TAFA2: variants seen among roughly 807,000 people sequenced by gnomAD.
The protein encoded by TAFA2 is TAFA chemokine like family member 2, also known as chemokine-like protein TAFA-2.
A neutral mutation model predicts 18.8 loss-of-function variants in TAFA2; 7 were observed. That is an observed-to-expected ratio of 0.37 (90% CI 0.21 to 0.70). The LOEUF is 0.70. Ranked by LOEUF, TAFA2 falls within the 30% of genes least tolerant of loss-of-function variation. The pLI is 0.53. For synonymous variants in TAFA2, 60 were observed against 54.2 expected, an observed-to-expected ratio of 1.11 and a Z score of -0.47; for missense variants, 122 against 158.1, an observed-to-expected ratio of 0.77 and a Z score of 1.23.
rs553881930 is a variant in TAFA2 at position 61,927,162 on chromosome 12, A to C, written c.-1-59736T>G. The stretch of plus-strand genomic sequence containing the variant: ...CTACACAGTATTGGAAATTCTGGGC[A>C]GGGCAATCAGGCAACAGAAAGAAAT... On this transcript the variant is annotated intron_variant, in intron 1 of 4. Transcript: ENST00000416284. Among the ~76,000 whole-genome samples, 4 of 151,850 alleles carry C rather than the reference A, an allele frequency of 2.6e-5. No individual in the cohort carries two copies. The South Asian group carries it at 8.3e-4, about 32-fold the overall frequency.
intron 1 of TAFA2, among the ~76,000 whole-genome samples, chr12:62,203,949 G>A (rs1289756373): frequency 1.3e-5 from 2 of 152,288 alleles, no homozygotes; most frequent in Admixed American, 6.5e-5. Context: ...TTGTACTTCA[G>A]TGTGGTTTTG....
chr12:62,065,605 G>A (rs1882463941), intron 1 of TAFA2, among the ~76,000 whole-genome samples: 1 of 151,910 alleles, frequency 6.6e-6, no homozygotes. Flanking sequence ...TTTATTCTTA[G>A]CATGTGTTCA....
At chr12:61,873,508 G>A (rs748159394) in intron 1 of TAFA2, among the ~76,000 whole-genome samples, 15 of 152,082 alleles carry the variant, frequency 9.9e-5, no homozygotes, top group South Asian at 2.1e-4. Flanking sequence ...CAAAGTGAGC[G>A]TAGATTATGA....
Position 62,021,110 on chromosome 12 carries a change from C to G in TAFA2, c.-1-153684G>C, listed in dbSNP as rs528135053. On this transcript the variant is annotated intron_variant, in intron 1 of 4. Coordinates refer to ENST00000416284, the MANE Select transcript of TAFA2 (RefSeq NM_178539.5). ...AGGTTGCTAATTTCTATACTAAATA[C>G]TGGGAAAACAAGAGGTCTAATTATG... Among the ~76,000 whole-genome samples, 4 of 152,164 alleles carry G rather than the reference C, an allele frequency of 2.6e-5. No homozygotes were observed. The South Asian group carries it at 8.3e-4, about 32-fold the overall frequency.
chr12:62,003,502 C>T (rs1565712123), intron 1 of TAFA2, among the ~76,000 whole-genome samples: 1 of 152,126 alleles, frequency 6.6e-6, no homozygotes, highest in East Asian at 1.9e-4. Flanking sequence ...TCAAATTTTG[C>T]TTAAATCTCA....
chr12:61,997,919 T>A (rs983249232), intron 1 of TAFA2, among the ~76,000 whole-genome samples: 3 of 152,144 alleles, frequency 2.0e-5, no homozygotes, highest in African/African-American at 7.2e-5. Context: ...TGACATAGTA[T>A]TCCTACAATT....
At chr12:62,053,108 C>T (rs534071581) in intron 1 of TAFA2, among the ~76,000 whole-genome samples, 11 of 151,960 alleles carry the variant, frequency 7.2e-5, no homozygotes, top group African/African-American at 2.7e-4. Context: ...TTTGATGGTA[C>T]CATAAAGACT....
Position 62,174,820 on chromosome 12 carries a change from C to T in TAFA2, c.-2+16439G>A, listed in dbSNP as rs552919863. 1.2e-3 allele frequency among the ~76,000 whole-genome samples: 189 copies of T among 152,296 alleles called. 3 individuals carry two copies. The highest frequency in any genetic ancestry group is 4.2e-3 in the African/African-American group (176 of 41,556). ...ATATTTCTCCTTATATAACTGTCCA[C>T]TGATACAATACCGTTTTCAAATATT... On this transcript the variant is annotated intron_variant, in intron 1 of 4. Coordinates refer to ENST00000416284, the MANE Select transcript of TAFA2 (RefSeq NM_178539.5).
chr12:61,803,834 C>T (rs1440132855), intron 2 of TAFA2, among the ~76,000 whole-genome samples: 1 of 151,878 alleles, frequency 6.6e-6, no homozygotes, highest in Non-Finnish European at 1.5e-5. Context: ...CACATGTATA[C>T]ATATGTAACT....
rs117144795 is a variant in TAFA2 at position 61,928,140 on chromosome 12, C to T, written c.-1-60714G>A. Among the ~76,000 whole-genome samples, 87 of 152,202 alleles carry T rather than the reference C, an allele frequency of 5.7e-4. No homozygotes were observed. In the East Asian group the frequency reaches 9.4e-3, roughly 17 times the overall value. On this transcript the variant is annotated intron_variant, in intron 1 of 4. Transcript: ENST00000416284. Reference sequence around the variant, plus strand: ...ACTAAAACATCAAAATCAATGGCAACGAAGCCAAAATTGACGAATGGGATC... The same window carrying T: ...ACTAAAACATCAAAATCAATGGCAATGAAGCCAAAATTGACGAATGGGATC...
chr12:61,790,834 C>T (rs565522843), intron 2 of TAFA2, among the ~76,000 whole-genome samples: 42 of 151,756 alleles, frequency 2.8e-4, no homozygotes, highest in African/African-American at 5.5e-4. Context: ...AAAATACTAA[C>T]GGTGTTATTT....
At chr12:62,236,909 T>C (rs1376062452) in intron 1 of TAFA2, among the ~76,000 whole-genome samples, 2 of 152,200 alleles carry the variant, frequency 1.3e-5, no homozygotes, top group African/African-American at 2.4e-5. Flanking sequence ...GAGAGTTTAT[T>C]ATACGCCTTG....
At chr12:61,933,149 AT>A (rs1393940600) in intron 1 of TAFA2, among the ~76,000 whole-genome samples, 1 of 152,190 alleles carries the variant, frequency 6.6e-6, no homozygotes, top group African/African-American at 2.4e-5. Flanking sequence ...GAAACTTTGT[AT>A]GAAAACCTGA....
intron 1 of TAFA2, among the ~76,000 whole-genome samples, chr12:62,010,699 G>A (rs1880713383): frequency 6.8e-6 from 1 of 147,962 alleles, no homozygotes; most frequent in African/African-American, 2.5e-5. Flanking sequence ...GCCCCGTCTG[G>A]GAAGTGGGCG....
chr12:61,792,770 C>G (rs1871035227), intron 2 of TAFA2, among the ~76,000 whole-genome samples: 1 of 150,744 alleles, frequency 6.6e-6, no homozygotes, highest in Non-Finnish European at 1.5e-5. Flanking sequence ...AATAACAGAA[C>G]TTTAAGAGAA....
At chr12:62,036,090 A>G (rs1881604548) in intron 1 of TAFA2, among the ~76,000 whole-genome samples, 2 of 152,178 alleles carry the variant, frequency 1.3e-5, no homozygotes, top group South Asian at 4.1e-4. Context: ...CAGGCTAAGC[A>G]GCATCCTTGA....
intron 1 of TAFA2, among the ~76,000 whole-genome samples, chr12:62,213,371 G>A (rs992673136): frequency 5.9e-5 from 9 of 152,116 alleles, no homozygotes; most frequent in East Asian, 1.9e-4. Context: ...GCAGCTGGGC[G>A]TGGTGGCTCA....
rs1285182668 is a variant in TAFA2 at position 61,992,372 on chromosome 12, T to C, written c.-1-124946A>G. ...CTCACACTCCACAGGCTTCAATCCA[T>C]AGGCTTATAGTAAAGCCTATAAGCT... On this transcript the variant is annotated intron_variant, in intron 1 of 4. Coordinates refer to ENST00000416284, the MANE Select transcript of TAFA2 (RefSeq NM_178539.5). Among the ~76,000 whole-genome samples the C allele has an allele frequency of 2.0e-5, 3 of 152,154 alleles. No individual in the cohort carries two copies. In the East Asian group the frequency reaches 5.8e-4, roughly 29 times the overall value.
In TAFA2 at chr12:61,942,106, G is replaced by A. The variant is rs1878052829; in HGVS notation, c.-1-74680C>T. Among the ~76,000 whole-genome samples the A allele has an allele frequency of 4.0e-5, 6 of 151,354 alleles. No individual in the cohort carries two copies. The South Asian group carries it at 1.3e-3, about 32-fold the overall frequency. On this transcript the variant is annotated intron_variant, in intron 1 of 4. Coordinates refer to ENST00000416284, the MANE Select transcript of TAFA2 (RefSeq NM_178539.5). Reference sequence around the variant, plus strand: ...TCTCCCAGCACGCAGCTGGAGATCTGAGAACGGGCAGACTGCCTCCTCAAG... The same window carrying A: ...TCTCCCAGCACGCAGCTGGAGATCTAAGAACGGGCAGACTGCCTCCTCAAG...
Sources: allele counts gnomAD v4.1 joint callset (sites outside exome capture counted in the v4.1 genomes callset), GRCh38; gene constraint gnomAD v4.1.1; transcripts MANE v1.5; gene names NCBI Gene and HGNC (gene_info 2026-07-23, HGNC 2026-07-21).